Variants in CELF2 observed in about 807,000 individuals in gnomAD.
CELF2 encodes CUGBP Elav-like family member 2, also known as CUG triplet repeat RNA-binding protein 2.
CELF2 carries 8 observed loss-of-function variants against 62.6 expected under a neutral mutation model. The observed-to-expected ratio is 0.13, with a 90% confidence interval of 0.07 to 0.23. The LOEUF (loss-of-function observed/expected upper bound fraction) is 0.23. Ranked by LOEUF, CELF2 falls within the 10% of genes least tolerant of loss-of-function variation. The pLI is 1.00. For missense variants in CELF2, 333 were observed against 671.0 expected (o/e 0.50, Z 5.56); for synonymous variants, 258 against 250.0 (o/e 1.03, Z -0.30).
chr10:11,254,393 G>C (rs1253010693), intron 4 of CELF2, among the ~76,000 whole-genome samples: 1 of 152,252 alleles, frequency 6.6e-6, no homozygotes, highest in Non-Finnish European at 1.5e-5. Context: ...TTAACATTTT[G>C]ATAACGTGGA....
intron 1 of CELF2, among the ~76,000 whole-genome samples, chr10:11,164,184 G>A (rs2066398637): frequency 6.6e-6 from 1 of 152,230 alleles, no homozygotes; most frequent in African/African-American, 2.4e-5. Flanking sequence ...AGCGCGCAGT[G>A]CTGCAAATGA....
At chr10:10,496,566 G>A in the CELF2 span, among the ~76,000 whole-genome samples, 1 of 152,182 alleles carries the variant, frequency 6.6e-6, no homozygotes, top group Non-Finnish European at 1.5e-5. Flanking sequence ...AAAAGATGGA[G>A]GGTGGATGAA....
chr10:10,735,140 G>C, the CELF2 span, among the ~76,000 whole-genome samples: 1 of 152,148 alleles, frequency 6.6e-6, no homozygotes, highest in Non-Finnish European at 1.5e-5. Context: ...AACAAAATGA[G>C]AATGCACCCC....
At chr10:11,202,385 T>C (rs1033933351) in intron 2 of CELF2, among the ~76,000 whole-genome samples, 2 of 152,190 alleles carry the variant, frequency 1.3e-5, no homozygotes, top group Admixed American at 6.5e-5. Flanking sequence ...AAAGAAAGGA[T>C]GGAAAAGTTG....
chr10:10,564,089 C>T, the CELF2 span, among the ~76,000 whole-genome samples: 2 of 152,204 alleles, frequency 1.3e-5, no homozygotes, highest in South Asian at 2.1e-4. Flanking sequence ...CTTCCTCTCT[C>T]CCATCCTTTG....
At chr10:11,142,378 G>C (rs1008757920) in intron 1 of CELF2, among the ~76,000 whole-genome samples, 1 of 151,812 alleles carries the variant, frequency 6.6e-6, no homozygotes, top group African/African-American at 2.4e-5. Context: ...TTGGAGTGAC[G>C]ATTAAAAGTG....
intron 1 of CELF2, among the ~76,000 whole-genome samples, chr10:11,065,327 T>G (rs1356254938): frequency 6.6e-6 from 1 of 152,260 alleles, no homozygotes; most frequent in Non-Finnish European, 1.5e-5. Flanking sequence ...ATTATCATCT[T>G]GTTTCCTCAG....
At chr10:10,550,701 C>CTT in the CELF2 span, among the ~76,000 whole-genome samples, 45 of 142,508 alleles carry the variant, frequency 3.2e-4, no homozygotes, top group South Asian at 5.7e-3. Context: ...CATGTGATGT[C>CTT]TTTTTTTTTT....
intron 2 of CELF2, chr10:10,948,339 A>G (rs2047931114): frequency 6.6e-6 from 1 of 152,192 alleles, no homozygotes; most frequent in African/African-American, 2.4e-5. Flanking sequence ...TAGCCAGAGT[A>G]GTAGCAGAAA....
rs2096046575 is a variant in CELF2, at chr10:11,332,515, C to CTGCTGCCACTTT, written c.*3464_*3475dup. ...CTGACCAAATACCTAGCACCAGTTC[C>CTGCTGCCACTTT]TGCTGCCACTTTTTAAAGTGCCATA... On this transcript the variant is annotated 3_prime_UTR_variant, in exon 13 of 13. Coordinates refer to ENST00000633077, the MANE Select transcript of CELF2 (RefSeq NM_001326342.2). 1 of 152,598 alleles carries CTGCTGCCACTTT rather than the reference C, an allele frequency of 6.6e-6. No individual in the cohort carries two copies. Among genetic ancestry groups the CTGCTGCCACTTT allele is most frequent in the Non-Finnish European group, 1.5e-5 (1 of 68,036 alleles). 9.5% of individuals were successfully genotyped at this position (152,598 alleles called of 1,614,324 possible).
the CELF2 span, among the ~76,000 whole-genome samples, chr10:10,696,229 C>A: frequency 6.6e-6 from 1 of 152,066 alleles, no homozygotes; most frequent in African/African-American, 2.4e-5. Flanking sequence ...ACAGACAGGA[C>A]TCTCAGCTGG....
rs1472493176 is a variant in CELF2 at position 11,191,280 on chromosome 10, G to A, written c.271+25598G>A. Among the ~76,000 whole-genome samples the A allele has an allele frequency of 6.6e-6, 1 of 152,180 alleles. No individual in the cohort carries two copies. Among genetic ancestry groups the A allele is most frequent in the Non-Finnish European group, 1.5e-5 (1 of 68,046 alleles). ...TAGCTATGGGGCTTGGAGAGTAAAT[G>A]GGCAGGAGTGGGAGTGTGGGAAGGG... On this transcript the variant is annotated intron_variant, in intron 2 of 12. Transcript: ENST00000633077. This position sits in a 1 kb window ranked among gnomAD's most constrained non-coding sequence, Gnocchi z 4.1.
At chr10:11,313,050 C>A (rs1166254178) in intron 9 of CELF2, among the ~76,000 whole-genome samples, 1 of 152,174 alleles carries the variant, frequency 6.6e-6, no homozygotes, top group African/African-American at 2.4e-5. Flanking sequence ...TTAAACCTGT[C>A]TGTGTATTAG....
chr10:10,495,662 C>G, the CELF2 span, among the ~76,000 whole-genome samples: 1 of 152,204 alleles, frequency 6.6e-6, no homozygotes, highest in Non-Finnish European at 1.5e-5. Flanking sequence ...GAAATAGTTA[C>G]CTGCTGCCAT....
Position 11,305,256 on chromosome 10 carries a change from G to A in CELF2, c.977-8883G>A, listed in dbSNP as rs2094114635. Among the ~76,000 whole-genome samples the A allele has an allele frequency of 6.6e-6, 1 of 152,212 alleles. No homozygotes were observed. The highest frequency in any genetic ancestry group is 1.9e-4 in the East Asian group (1 of 5,196). On this transcript the variant is annotated intron_variant, in intron 9 of 12. Coordinates refer to ENST00000633077, the MANE Select transcript of CELF2 (RefSeq NM_001326342.2). The surrounding 1 kb of genome is among the most constrained non-coding windows in gnomAD (Gnocchi z 4.8). Reference sequence around the variant, plus strand: ...TCCTTGCCTCTCTGGAAATTTATTTGAGTTGGTTTGAGAGAGCTTCCAAAC... The same window carrying A: ...TCCTTGCCTCTCTGGAAATTTATTTAAGTTGGTTTGAGAGAGCTTCCAAAC...
At chr10:11,031,895 T>C in intron 1 of CELF2, among the ~76,000 whole-genome samples, 1 of 152,098 alleles carries the variant, frequency 6.6e-6, no homozygotes, top group Non-Finnish European at 1.5e-5. Context: ...ATGATGATCG[T>C]ATAATTTGAG....
chr10:11,031,661 T>C (rs1339090705), intron 1 of CELF2, among the ~76,000 whole-genome samples: 2 of 152,332 alleles, frequency 1.3e-5, no homozygotes, highest in Non-Finnish European at 1.5e-5. Flanking sequence ...ATTGTATTCT[T>C]GCTACTGATG....
chr10:11,321,487 T>C lies in CELF2; in HGVS notation c.1294+101T>C, dbSNP rs1048700969. On this transcript the variant is annotated intron_variant, in intron 11 of 12. Transcript: ENST00000633077. This position sits in a 1 kb window ranked among gnomAD's most constrained non-coding sequence, Gnocchi z 6.2. ...ATCAAATTGAACTGAACCCATGTCA[T>C]AACAGAAAGCAGTTGTTTTGTTATT... 1.1e-6 allele frequency: 1 copy of C among 898,832 alleles called. No homozygotes were observed. Among genetic ancestry groups the C allele is most frequent in the Non-Finnish European group, 1.6e-6 (1 of 606,490 alleles). The allele number at this position is 898,832 out of a possible 1,614,324, so 55.7% of individuals were successfully genotyped here.
chr10:11,242,950 T>A lies in CELF2; in HGVS notation c.355-6203T>A, dbSNP rs571755661. ...CGGAGGCGCCGGTGGCAACTGGTGC[T>A]GGGTCAGAACCAAACCACTGCGTGC... On this transcript the variant is annotated intron_variant, in intron 3 of 12. Transcript: ENST00000633077. The surrounding 1 kb of genome is among the most constrained non-coding windows in gnomAD (Gnocchi z 4.8). 1.3e-5 allele frequency among the ~76,000 whole-genome samples: 2 copies of A among 152,164 alleles called. No individual in the cohort carries two copies. The highest frequency in any genetic ancestry group is 4.1e-4 in the South Asian group (2 of 4,826).
Sources: allele counts gnomAD v4.1 joint callset (sites outside exome capture counted in the v4.1 genomes callset), GRCh38; gene constraint gnomAD v4.1.1; non-coding constraint Gnocchi (gnomAD v3.1); transcripts MANE v1.5; gene names NCBI Gene and HGNC (gene_info 2026-07-23, HGNC 2026-07-21).